The following AFF3 variants were observed in gnomAD, a reference collection of about 807,000 sequenced individuals.
AFF3 encodes ALF transcription elongation factor 3.
AFF3 carries 32 observed loss-of-function variants against 129.7 expected under a neutral mutation model. That is an observed-to-expected ratio of 0.25 (90% CI 0.19 to 0.33). The LOEUF (loss-of-function observed/expected upper bound fraction) is 0.33. AFF3 is among the 10% of genes least tolerant of loss of function. AFF3 has a pLI of 1.00. For synonymous variants in AFF3, 644 were observed against 635.4 expected (o/e 1.01, Z -0.20); for missense variants, 1,373 against 1,592.0 (o/e 0.86, Z 2.34).
Position 99,743,303 on chromosome 2 carries a change from C to T in AFF3, c.1039+801G>A, listed in dbSNP as rs1050834302. ...TCTTTTCTCTCCGGCCCATTTGCCT[C>T]ACAGATGCCCAGTGGTTGAGCCTCA... On this transcript the variant is annotated intron_variant, in intron 10 of 24. Transcript: ENST00000672756. 2.6e-5 allele frequency among the ~76,000 whole-genome samples: 4 copies of T among 152,324 alleles called. No individual in the cohort carries two copies. The South Asian group carries it at 8.3e-4, about 32-fold the overall frequency.
At chr2:99,891,780 T>C (rs10180541) in intron 7 of AFF3, among the ~76,000 whole-genome samples, 62,847 of 151,852 alleles carry the variant, frequency 0.41, 13,399 homozygotes, top group Middle Eastern at 0.48. Context: ...AGAGCCAGGA[T>C]TATCTCCATT....
At chr2:99,744,258 T>C in intron 9 of AFF3, 118 bp from the exon 10 acceptor site, 1 of 793,398 alleles carries the variant, frequency 1.3e-6, no homozygotes, top group Non-Finnish European at 2.0e-6. Context: ...TCAATCTCTA[T>C]CAGCTACTTT....
intron 7 of AFF3, among the ~76,000 whole-genome samples, chr2:99,956,978 G>C (rs1676709180): frequency 6.6e-6 from 1 of 152,238 alleles, no homozygotes; most frequent in South Asian, 2.1e-4. Context: ...ATTTATGGAA[G>C]ATTCGGCAGA....
intron 7 of AFF3, among the ~76,000 whole-genome samples, chr2:99,853,300 T>C (rs17436511): frequency 0.031 from 4,731 of 152,312 alleles, 88 homozygotes; most frequent in Non-Finnish European, 0.041. Flanking sequence ...TTTTTCCCAT[T>C]TGAGTACCTT....
At chr2:99,953,950 G>GTGAC (rs888212004) in intron 7 of AFF3, among the ~76,000 whole-genome samples, 4 of 152,320 alleles carry the variant, frequency 2.6e-5, no homozygotes, top group Admixed American at 2.6e-4. Flanking sequence ...ACCTGAGTGA[G>GTGAC]TGACTGGGGA....
intron 4 of AFF3, among the ~76,000 whole-genome samples, chr2:100,052,167 T>C (rs1686389060): frequency 6.6e-6 from 1 of 152,198 alleles, no homozygotes; most frequent in Non-Finnish European, 1.5e-5. Context: ...CATGTATGAA[T>C]TAAATTTGTT....
intron 8 of AFF3, among the ~76,000 whole-genome samples, chr2:99,763,210 T>C (rs1682758704): frequency 6.6e-6 from 1 of 152,220 alleles, no homozygotes. Flanking sequence ...CATCCCCCTT[T>C]AAACACAGAT....
intron 8 of AFF3, among the ~76,000 whole-genome samples, chr2:99,778,614 T>G (rs771608964): frequency 6.6e-6 from 1 of 152,210 alleles, no homozygotes; most frequent in Non-Finnish European, 1.5e-5. Flanking sequence ...TTCCTATCCA[T>G]GAGCACAGAA....
chr2:99,976,860 T>C (rs1191640409), intron 7 of AFF3, among the ~76,000 whole-genome samples: 2 of 151,966 alleles, frequency 1.3e-5, no homozygotes, highest in African/African-American at 4.8e-5. Flanking sequence ...GCTAGCATGC[T>C]TTTTCTTCTG....
intron 11 of AFF3, among the ~76,000 whole-genome samples, chr2:99,705,232 G>C (rs1015579332): frequency 2.0e-5 from 3 of 152,214 alleles, no homozygotes; most frequent in Non-Finnish European, 4.4e-5. Flanking sequence ...GGGAGGAAGG[G>C]CTGGTGAGAA....
At chr2:100,016,599 GTGGTAGTGGTGGTAA>G (rs1229674120) in intron 4 of AFF3, among the ~76,000 whole-genome samples, 3 of 149,928 alleles carry the variant, frequency 2.0e-5, no homozygotes, top group Admixed American at 6.6e-5. Context: ...GATGGTGGTG[GTGGTAGTGGTGGTAA>G]TGGTGATGGT....
intron 7 of AFF3, among the ~76,000 whole-genome samples, chr2:99,869,124 T>C (rs996225334): frequency 5.9e-5 from 9 of 152,068 alleles, no homozygotes; most frequent in Non-Finnish European, 1.2e-4. Context: ...TATAAGTTCC[T>C]AGTTCTGGAC....
intron 2 of AFF3, among the ~76,000 whole-genome samples, chr2:100,119,592 G>T (rs1054298282): frequency 5.3e-5 from 8 of 152,196 alleles, no homozygotes; most frequent in African/African-American, 1.9e-4. Flanking sequence ...CTTAATAGTT[G>T]CTAACAAGTA....
At chr2:100,008,634 C>A (rs1490790942) in intron 5 of AFF3, among the ~76,000 whole-genome samples, 178 bp downstream of exon 5, 3 of 152,226 alleles carry the variant, frequency 2.0e-5, no homozygotes, top group Non-Finnish European at 4.4e-5. Context: ...CCATGTGAAC[C>A]ACACACCTCA....
chr2:99,886,044 T>G (rs17436761), intron 7 of AFF3, among the ~76,000 whole-genome samples: 4,429 of 152,286 alleles, frequency 0.029, 82 homozygotes, highest in Non-Finnish European at 0.041. Flanking sequence ...AATGATTGAT[T>G]GGTAGAAAGA....
chr2:99,942,048 CCAAT>C (rs1241376266), intron 7 of AFF3, among the ~76,000 whole-genome samples: 5 of 152,194 alleles, frequency 3.3e-5, no homozygotes, highest in African/African-American at 1.2e-4. Flanking sequence ...CTGAGATCAA[CCAAT>C]CAATCATTGA....
intron 13 of AFF3, among the ~76,000 whole-genome samples, chr2:99,636,706 C>G (rs950370219): frequency 6.6e-6 from 1 of 152,186 alleles, no homozygotes; most frequent in East Asian, 1.9e-4. Flanking sequence ...CAAGAGGACA[C>G]GACGTGGCAG....
chr2:100,086,601 T>C (rs1689449141), intron 4 of AFF3, among the ~76,000 whole-genome samples: 2 of 152,200 alleles, frequency 1.3e-5, no homozygotes, highest in Admixed American at 6.5e-5. Flanking sequence ...TGGATCTTTT[T>C]GCTGGAATGA....
At chr2:99,865,194 G>A (rs1691292479) in intron 7 of AFF3, among the ~76,000 whole-genome samples, 1 of 152,204 alleles carries the variant, frequency 6.6e-6, no homozygotes, top group African/African-American at 2.4e-5. Flanking sequence ...AATCCTCTAA[G>A]GGCACAATGG....
Sources: gnomAD v4.1 joint callset for allele counts (sites outside exome capture counted in the v4.1 genomes callset) on GRCh38, gnomAD v4.1.1 for gene constraint, MANE v1.5 for transcripts, NCBI Gene and HGNC (gene_info 2026-07-23, HGNC 2026-07-21) for gene names.